Variants in RYR3 observed in about 807,000 individuals in gnomAD.
RYR3 encodes ryanodine receptor 3, also known as brain ryanodine receptor-calcium release channel.
RYR3 carries 207 observed loss-of-function variants against 584.3 expected under a neutral mutation model. That is an observed-to-expected ratio of 0.35 (90% confidence interval 0.32 to 0.40). The LOEUF (loss-of-function observed/expected upper bound fraction) is 0.40, where lower values mean the gene tolerates loss of function less well. Among genes scored for constraint, RYR3 ranks in the 10% least tolerant of loss-of-function variants. RYR3 has a pLI of 1.00. For missense variants in RYR3, 5,616 were observed against 6,089.2 expected (o/e 0.92, Z 2.59); for synonymous variants, 2,416 against 2,248.5 (o/e 1.07, Z -2.11).
chr15:33,515,830 A>G (rs1293895996), intron 3 of RYR3, among the ~76,000 whole-genome samples: 10 of 152,208 alleles, frequency 6.6e-5, no homozygotes, highest in Non-Finnish European at 1.5e-4. Flanking sequence ...ATCAATGTGC[A>G]CTTATTTTCT....
chr15:33,542,504 A>G (rs915239128), intron 7 of RYR3, among the ~76,000 whole-genome samples: 9 of 152,156 alleles, frequency 5.9e-5, no homozygotes, highest in African/African-American at 2.2e-4. Context: ...TAGCAGTACA[A>G]AAAGATACAG....
chr15:33,765,537 G>A (rs949494722), intron 60 of RYR3, among the ~76,000 whole-genome samples: 1 of 150,298 alleles, frequency 6.7e-6, no homozygotes, highest in African/African-American at 2.4e-5. Flanking sequence ...GGAGGCTGAG[G>A]CAGGAGAATC....
intron 36 of RYR3, among the ~76,000 whole-genome samples, chr15:33,667,310 C>T (rs970059213): frequency 6.6e-6 from 1 of 152,210 alleles, no homozygotes; most frequent in Non-Finnish European, 1.5e-5. Flanking sequence ...GACCTGGGGT[C>T]GTGGCCCTAT....
intron 1 of RYR3, among the ~76,000 whole-genome samples, chr15:33,394,745 CAT>C (rs1346792450): frequency 2.6e-5 from 4 of 152,194 alleles, no homozygotes; most frequent in Admixed American, 6.5e-5. Flanking sequence ...ACCAACCAAA[CAT>C]GTGCTGATTC....
intron 64 of RYR3, among the ~76,000 whole-genome samples, chr15:33,778,666 G>GTC (rs2152898678): frequency 6.6e-6 from 1 of 152,350 alleles, no homozygotes; most frequent in South Asian, 2.1e-4. Flanking sequence ...TATCACCTGC[G>GTC]TCTCAGCAGT....
At position 33,841,858 on chromosome 15, in the gene RYR3, C is replaced by G; in HGVS notation, c.13038-6C>G. The G allele has an allele frequency of 6.3e-7, 1 of 1,588,224 alleles. No homozygotes were observed. Among genetic ancestry groups the G allele is most frequent in the South Asian group, 1.2e-5 (1 of 86,690 alleles). On this transcript the variant is annotated splice_polypyrimidine_tract_variant and splice_region_variant and intron_variant, in intron 90 of 103. Coordinates refer to ENST00000634891, the MANE Select transcript of RYR3 (RefSeq NM_001036.6). ...GCCCTGCTGAGTGGGTTTCCCATTT[C>G]TGCAGCATGGAAGATGGAGAGAAGG...
chr15:33,421,333 A>AAC (rs1368412432), intron 1 of RYR3, among the ~76,000 whole-genome samples: 1 of 152,206 alleles, frequency 6.6e-6, no homozygotes, highest in Non-Finnish European at 1.5e-5. Flanking sequence ...AGGTAGGTTG[A>AAC]AAGGAGACAA....
intron 12 of RYR3, among the ~76,000 whole-genome samples, chr15:33,578,765 T>TG (rs2058434560): frequency 3.7e-5 from 1 of 26,760 alleles, no homozygotes; most frequent in African/African-American, 1.8e-4. Flanking sequence ...GAACTTAGAA[T>TG]AAAAAAAAAA....
intron 1 of RYR3, among the ~76,000 whole-genome samples, chr15:33,378,206 T>A (rs546404599): frequency 7.2e-5 from 11 of 152,260 alleles, no homozygotes; most frequent in Non-Finnish European, 1.3e-4. Context: ...TACTTTGAAT[T>A]TGGATCTGGG....
At chr15:33,746,219 A>G (rs2152842601) in intron 53 of RYR3, 62 bp downstream of exon 53, 1 of 1,157,690 alleles carries the variant, frequency 8.6e-7, no homozygotes, top group Non-Finnish European at 1.3e-6. Context: ...GAGTGATTTT[A>G]TCAGAGGAGT....
At position 33,699,700 on chromosome 15, in the gene RYR3, A is replaced by G. The variant is rs916564375; in HGVS notation, c.6250-4A>G. ...TGTCTGACACTTTCTACTTCTCCCT[A>G]CAGATTGCATTTCCAAAGATGGTTG... On this transcript the variant is annotated splice_region_variant and splice_polypyrimidine_tract_variant and intron_variant, in intron 40 of 103. Transcript: ENST00000634891. The G allele has an allele frequency of 6.2e-7, 1 of 1,613,226 alleles. No individual in the cohort carries two copies. Among genetic ancestry groups the G allele is most frequent in the African/African-American group, 1.3e-5 (1 of 75,012 alleles).
In RYR3 at chr15:33,372,427, C is replaced by T. The variant is rs545170258; in HGVS notation, c.51+61331C>T. On this transcript the variant is annotated intron_variant, in intron 1 of 103. Transcript: ENST00000634891. ...TCTCCCAGGCTGGAGTGCAGTGATG[C>T]GATCTCGGCTCACTGCAAGCTCCAC... Among the ~76,000 whole-genome samples the T allele has an allele frequency of 4.4e-5, 6 of 137,864 alleles. No individual in the cohort carries two copies. The South Asian group carries it at 9.1e-4, about 21-fold the overall frequency. The allele number at this position is 137,864 out of a possible 152,430, so 90.4% of individuals were successfully genotyped here.
Position 33,572,688 on chromosome 15 carries a change from C to CACACACACACATAT in RYR3, c.1268+5891_1268+5892insACACACACATATAC, listed in dbSNP as rs368204203. Among the ~76,000 whole-genome samples the CACACACACACATAT allele has an allele frequency of 5.0e-3, 652 of 131,370 alleles. 15 individuals are homozygous for CACACACACACATAT. Among genetic ancestry groups the CACACACACACATAT allele is most frequent in the East Asian group, 0.033 (150 of 4,534 alleles). The allele number at this position is 131,370 out of a possible 152,430, so 86.2% of individuals were successfully genotyped here. A position where few individuals can be genotyped will look rare whatever the true frequency, so the allele number is the denominator to read the frequency against. On this transcript the variant is annotated intron_variant, in intron 12 of 103. Transcript: ENST00000634891. The stretch of plus-strand genomic sequence containing the variant: ...ACACACACACACACACACACACACA[C>CACACACACACATAT]ACTGGGCTGGGCACAATGGCTCACG...
intron 49 of RYR3, 65 bp from the exon 50 acceptor site, chr15:33,738,385 G>T: frequency 6.6e-7 from 1 of 1,510,856 alleles, no homozygotes; most frequent in Non-Finnish European, 9.0e-7. Context: ...TCTCCTGCAT[G>T]TTTTTGATGC....
intron 40 of RYR3, among the ~76,000 whole-genome samples, 199 bp downstream of exon 40, chr15:33,698,195 A>C (rs552190425): frequency 9.8e-5 from 15 of 152,312 alleles, no homozygotes; most frequent in African/African-American, 3.6e-4. Flanking sequence ...GAGCTCTTGA[A>C]GCTTGGAGAC....
At chr15:33,731,391 T>G in intron 47 of RYR3, 83 bp from the exon 48 acceptor site, 1 of 943,046 alleles carries the variant, frequency 1.1e-6, no homozygotes, top group Non-Finnish European at 1.7e-6. Context: ...CTCCCACAGC[T>G]TGCTACATGG....
At chr15:33,411,595 T>C (rs559480287) in intron 1 of RYR3, among the ~76,000 whole-genome samples, 3 of 152,226 alleles carry the variant, frequency 2.0e-5, no homozygotes, top group Non-Finnish European at 4.4e-5. Context: ...GATTATTATT[T>C]CTAGTTATTT....
chr15:33,433,247 C>A (rs1226917904), intron 1 of RYR3, among the ~76,000 whole-genome samples: 3 of 152,112 alleles, frequency 2.0e-5, no homozygotes, highest in Non-Finnish European at 4.4e-5. Flanking sequence ...CACTTGTCTC[C>A]CACAGGAAAG....
chr15:33,700,198 T>C (rs1259691411), intron 41 of RYR3, among the ~76,000 whole-genome samples: 1 of 152,216 alleles, frequency 6.6e-6, no homozygotes, highest in Non-Finnish European at 1.5e-5. Flanking sequence ...GCAGTGCTGA[T>C]GAGACCAAGG....
Sources: allele counts gnomAD v4.1 joint callset (sites outside exome capture counted in the v4.1 genomes callset), GRCh38; gene constraint gnomAD v4.1.1; transcripts MANE v1.5; gene names NCBI Gene and HGNC (gene_info 2026-07-23, HGNC 2026-07-21).